Variants in RBM27 observed in about 807,000 individuals in gnomAD.
RBM27 encodes the protein RNA binding motif protein 27.
A neutral mutation model predicts 135.3 loss-of-function variants in RBM27; 22 were observed. That is an observed-to-expected ratio of 0.16 (90% CI 0.12 to 0.23). The LOEUF is 0.23. RBM27 is among the 10% of genes least tolerant of loss of function. The pLI is 1.00. For synonymous variants in RBM27, 481 were observed against 442.4 expected (o/e 1.09, Z -1.10); for missense variants, 1,009 against 1,281.0 (o/e 0.79, Z 3.24).
At position 146,255,109 on chromosome 5, in the gene RBM27, C is replaced by T; in HGVS notation, c.1594+17C>T. ...ATCCAAGAGGTGAGAATACCTTGAA[C>T]TTTTTCTGATGCTAAGTGTTATGCA... On this transcript the variant is annotated intron_variant, in intron 10 of 20. Coordinates refer to ENST00000265271, the MANE Select transcript of RBM27 (RefSeq NM_018989.2). The T allele has an allele frequency of 6.3e-7, 1 of 1,599,838 alleles. No homozygotes were observed. The highest frequency in any genetic ancestry group is 1.1e-5 in the South Asian group (1 of 89,754).
At chr5:146,229,398 A>G (rs1048796816) in intron 4 of RBM27, among the ~76,000 whole-genome samples, 7 of 152,134 alleles carry the variant, frequency 4.6e-5, no homozygotes, top group Non-Finnish European at 7.3e-5. Context: ...CCTAACATCA[A>G]AAATTGGTCT....
chr5:146,271,172 G>A (rs1222305896), intron 18 of RBM27, 114 bp downstream of exon 18: 5 of 708,690 alleles, frequency 7.1e-6, no homozygotes, highest in South Asian at 1.7e-5. Flanking sequence ...AGGCCGAGGC[G>A]GGTGGATCAC....
chr5:146,273,226 T>A (rs1021299321), intron 19 of RBM27, among the ~76,000 whole-genome samples: 1 of 152,226 alleles, frequency 6.6e-6, no homozygotes, highest in Non-Finnish European at 1.5e-5. Context: ...GGGAGACAGC[T>A]ACATGTTCTA....
chr5:146,278,913 G>A (rs927097351), intron 19 of RBM27, among the ~76,000 whole-genome samples: 15 of 151,564 alleles, frequency 9.9e-5, no homozygotes, highest in Admixed American at 9.9e-4. Context: ...AGTAGAGACG[G>A]GGTTTCACCG....
intron 1 of RBM27, among the ~76,000 whole-genome samples, chr5:146,217,677 A>G (rs1057040066): frequency 1.3e-5 from 2 of 151,880 alleles, no homozygotes; most frequent in Non-Finnish European, 2.9e-5. Flanking sequence ...TTAGATTTGA[A>G]TAGTGTTTTA....
At chr5:146,250,334 G>A (rs1343668373) in intron 8 of RBM27, among the ~76,000 whole-genome samples, 1 of 151,496 alleles carries the variant, frequency 6.6e-6, no homozygotes, top group Non-Finnish European at 1.5e-5. Flanking sequence ...CCAGCTACTC[G>A]GGAGGCTGAG....
At chr5:146,221,221 A>G (rs1756451087) in intron 2 of RBM27, among the ~76,000 whole-genome samples, 1 of 152,064 alleles carries the variant, frequency 6.6e-6, no homozygotes, top group Admixed American at 6.6e-5. Context: ...ATGAGAAGGA[A>G]CTATACACTA....
intron 19 of RBM27, among the ~76,000 whole-genome samples, chr5:146,277,422 G>A (rs572581277): frequency 1.4e-4 from 21 of 151,978 alleles, no homozygotes; most frequent in African/African-American, 5.1e-4. Flanking sequence ...TTTATGTACA[G>A]CCCCCTATTG....
chr5:146,209,509 A>G (rs1238848417), intron 1 of RBM27, among the ~76,000 whole-genome samples: 2 of 152,154 alleles, frequency 1.3e-5, no homozygotes, highest in Non-Finnish European at 1.5e-5. Flanking sequence ...ATTGGTTCAT[A>G]TTTATGGGTT....
At chr5:146,227,873 A>ATGAATTAC (rs1756745416) in intron 3 of RBM27, among the ~76,000 whole-genome samples, 1 of 152,242 alleles carries the variant, frequency 6.6e-6, no homozygotes. Flanking sequence ...CATAGTTTAC[A>ATGAATTAC]TGAATTACTT....
intron 8 of RBM27, among the ~76,000 whole-genome samples, chr5:146,247,026 G>C (rs772825227): frequency 6.6e-6 from 1 of 151,680 alleles, no homozygotes; most frequent in Admixed American, 6.6e-5. Context: ...ACCATACCTG[G>C]CTGATTTTTA....
At chr5:146,256,268 A>C (rs1758094165) in intron 10 of RBM27, among the ~76,000 whole-genome samples, 2 of 147,800 alleles carry the variant, frequency 1.4e-5, no homozygotes, top group East Asian at 3.9e-4. Context: ...GACTACACCA[A>C]ATGCCTTCTC....
At chr5:146,204,247 G>T (rs1420252674) in intron 1 of RBM27, among the ~76,000 whole-genome samples, 1 of 152,176 alleles carries the variant, frequency 6.6e-6, no homozygotes, top group Non-Finnish European at 1.5e-5. Context: ...ATTATTCCGG[G>T]ACTGAAAGGT....
At chr5:146,277,689 AT>A (rs760787929) in intron 19 of RBM27, among the ~76,000 whole-genome samples, 374 of 138,216 alleles carry the variant, frequency 2.7e-3, no homozygotes, top group Middle Eastern at 3.7e-3. Flanking sequence ...GGCCCAGCTA[AT>A]TTTTTTTTTT....
chr5:146,282,547 T>C (rs148585951), intron 19 of RBM27, among the ~76,000 whole-genome samples: 46 of 152,364 alleles, frequency 3.0e-4, no homozygotes, highest in Admixed American at 8.5e-4. Context: ...CATTATTCCC[T>C]AAACAATACA....
At chr5:146,231,001 A>C in intron 6 of RBM27, 84 bp downstream of exon 6, 1 of 1,383,548 alleles carries the variant, frequency 7.2e-7, no homozygotes, top group Non-Finnish European at 9.9e-7. Context: ...TTTTAGTTAT[A>C]GTCCAGTTTA....
intron 1 of RBM27, among the ~76,000 whole-genome samples, chr5:146,215,743 G>C (rs983632960): frequency 2.0e-5 from 3 of 151,944 alleles, no homozygotes; most frequent in Non-Finnish European, 4.4e-5. Context: ...GCCAGGGTAA[G>C]CATGGCATGT....
intron 20 of RBM27, among the ~76,000 whole-genome samples, chr5:146,285,668 T>A (rs1487151603): frequency 2.0e-5 from 3 of 152,292 alleles, no homozygotes; most frequent in East Asian, 1.9e-4. Flanking sequence ...TAGTCTTTTT[T>A]AAATTTTCTG....
At chr5:146,278,870 C>T (rs1420975861) in intron 19 of RBM27, among the ~76,000 whole-genome samples, 3 of 151,680 alleles carry the variant, frequency 2.0e-5, no homozygotes, top group Non-Finnish European at 4.4e-5. Flanking sequence ...TACAGGCACT[C>T]GCCACCACGC....
Sources: gnomAD v4.1 joint callset for allele counts (sites outside exome capture counted in the v4.1 genomes callset) on GRCh38, gnomAD v4.1.1 for gene constraint, MANE v1.5 for transcripts, NCBI Gene and HGNC (gene_info 2026-07-23, HGNC 2026-07-21) for gene names.